Variants in MYT1 observed in about 807,000 individuals in gnomAD.
MYT1 encodes myelin transcription factor 1.
Under a neutral mutation model 123.0 loss-of-function variants are expected in MYT1, and 23 were observed. That is an observed-to-expected ratio of 0.19 (90% CI 0.13 to 0.26). MYT1 has a LOEUF of 0.26. Among genes scored for constraint, MYT1 ranks in the 10% least tolerant of loss-of-function variants. The pLI, the probability that MYT1 is intolerant of heterozygous loss-of-function variation, is 1.00. For missense variants in MYT1, 1,125 were observed against 1,472.5 expected (o/e 0.76, Z 3.86); for synonymous variants, 518 against 575.3 (o/e 0.90, Z 1.43).
At chr20:64,239,987 C>T (rs1307808572) in intron 22 of MYT1, 84 bp downstream of exon 22, 7 of 1,552,388 alleles carry the variant, frequency 4.5e-6, no homozygotes, top group African/African-American at 1.4e-5. Flanking sequence ...TCTCCCACCC[C>T]CTCTGCCTCT....
chr20:64,202,455 G>T lies in MYT1; in HGVS notation c.86+2533G>T, dbSNP rs558451466. Among the ~76,000 whole-genome samples, 73 of 152,266 alleles carry T rather than the reference G, an allele frequency of 4.8e-4. No homozygotes were observed. The highest frequency in any genetic ancestry group is 8.4e-4 in the Non-Finnish European group (57 of 68,028). On this transcript the variant is annotated intron_variant, in intron 4 of 22. Transcript: ENST00000328439. This position sits in a 1 kb window ranked among gnomAD's most constrained non-coding sequence, Gnocchi z 5.0. ...TTAGGGTTGGGGTTAGCATCTTTGA[G>T]ACAGCGAGGCGCTGACAACACCGAG...
At chr20:64,228,249 G>C in intron 18 of MYT1, 1 of 489,164 alleles carries the variant, frequency 2.0e-6, no homozygotes, top group Non-Finnish European at 3.6e-6. Context: ...GCTGGGAGAG[G>C]CAGAGCACCC....
intron 20 of MYT1, 133 bp downstream of exon 20, chr20:64,236,779 G>A: frequency 2.7e-6 from 2 of 740,424 alleles, no homozygotes; most frequent in Admixed American, 2.4e-5. Context: ...GGCAGAGGCA[G>A]ATCCCTTCAC....
chr20:64,195,967 A>C (rs73325804), intron 2 of MYT1, among the ~76,000 whole-genome samples: 7,155 of 152,224 alleles, frequency 0.047, 575 homozygotes, highest in African/African-American at 0.17. Context: ...TTAGAGCCTC[A>C]AGACATGCTC....
intron 10 of MYT1, among the ~76,000 whole-genome samples, chr20:64,214,083 C>G (rs576726979): frequency 6.6e-6 from 1 of 152,216 alleles, no homozygotes; most frequent in East Asian, 1.9e-4. Flanking sequence ...AATCCTTGGC[C>G]GTCCTGCCTG....
At chr20:64,165,172 G>A (rs531383483) in intron 1 of MYT1, among the ~76,000 whole-genome samples, 18 of 152,206 alleles carry the variant, frequency 1.2e-4, no homozygotes, top group African/African-American at 4.3e-4. Context: ...CTGAAGCAGG[G>A]TCTCAGAGTC....
rs1983577981 is a variant in MYT1 at position 64,208,766 on chromosome 20, G to A, written c.1291+279G>A. ...GGAGGGACAGTGACCCACCCACAGT[G>A]ACTGGTCACAGCAGCATCTGGGGTC... On this transcript the variant is annotated intron_variant, in intron 7 of 22. Transcript: ENST00000328439. The surrounding 1 kb of genome is among the most constrained non-coding windows in gnomAD (Gnocchi z 5.4). Among the ~76,000 whole-genome samples, 1 of 152,232 alleles carries A rather than the reference G, an allele frequency of 6.6e-6. No individual in the cohort carries two copies. The highest frequency in any genetic ancestry group is 2.1e-4 in the South Asian group (1 of 4,834).
chr20:64,189,073 A>C lies in MYT1; in HGVS notation c.-98-990A>C, dbSNP rs1314046845. 6.6e-6 allele frequency among the ~76,000 whole-genome samples: 1 copy of C among 152,242 alleles called. No homozygotes were observed. Among genetic ancestry groups the C allele is most frequent in the African/African-American group, 2.4e-5 (1 of 41,460 alleles). On this transcript the variant is annotated intron_variant, in intron 1 of 22. Transcript: ENST00000328439. This position sits in a 1 kb window ranked among gnomAD's most constrained non-coding sequence, Gnocchi z 5.5. ...CAGATAAGAAGAGGGTGCTGTGGCC[A>C]GAGGCACAGGGCTGCCTGGGGCCAG...
intron 1 of MYT1, among the ~76,000 whole-genome samples, chr20:64,179,964 TACAC>T (rs1206170849): frequency 2.6e-4 from 36 of 138,464 alleles, no homozygotes; most frequent in Admixed American, 1.7e-3. Flanking sequence ...TGCACACAGT[TACAC>T]ACTCACATGC....
intron 18 of MYT1, among the ~76,000 whole-genome samples, chr20:64,230,173 C>G (rs1200320230): frequency 6.6e-6 from 1 of 152,194 alleles, no homozygotes; most frequent in African/African-American, 2.4e-5. Context: ...AAAACAGTTT[C>G]CCTTGATGAA....
intron 13 of MYT1, 131 bp downstream of exon 13, chr20:64,220,113 C>G: frequency 7.2e-7 from 1 of 1,385,114 alleles, no homozygotes; most frequent in Non-Finnish European, 9.3e-7. Flanking sequence ...GGAGCCATCC[C>G]TTTTCGTGAA....
At chr20:64,180,106 C>G (rs1982603875) in intron 1 of MYT1, among the ~76,000 whole-genome samples, 1 of 151,788 alleles carries the variant, frequency 6.6e-6, no homozygotes. Context: ...GTACATGCTA[C>G]ACACACGCTA....
intron 20 of MYT1, 31 bp downstream of exon 20, chr20:64,236,677 A>T (rs769721039): frequency 1.3e-6 from 2 of 1,572,060 alleles, no homozygotes; most frequent in Non-Finnish European, 1.8e-6. Flanking sequence ...TTCCCTGCTC[A>T]TGGCTGGGTG....
In MYT1 at chr20:64,227,381, C is replaced by T. The variant is rs189449755; in HGVS notation, c.2529-34C>T. 8,292 of 1,608,044 alleles carry T rather than the reference C, an allele frequency of 5.2e-3. 55 individuals are homozygous for T. Among genetic ancestry groups the T allele is most frequent in the Non-Finnish European group, 4.3e-3 (5,051 of 1,176,686 alleles). On this transcript the variant is annotated intron_variant, in intron 16 of 22. Transcript: ENST00000328439. Reference sequence around the variant, plus strand: ...TCTGGGCCGGGGCTAAACGCCTTCACGGGCTCCCGTTCCAGTTCTGCTTCC... The same window carrying T: ...TCTGGGCCGGGGCTAAACGCCTTCATGGGCTCCCGTTCCAGTTCTGCTTCC...
intron 4 of MYT1, 89 bp from the exon 5 acceptor site, chr20:64,204,946 C>T (rs1983438060): frequency 1.5e-6 from 2 of 1,334,060 alleles, no homozygotes; most frequent in Admixed American, 3.8e-5. Flanking sequence ...CGTCTGGAGA[C>T]ATTCTGCTCC....
Position 64,222,001 on chromosome 20 carries a change from T to G in MYT1, c.2350T>G (p.Phe784Val). Residue 784 changes from phenylalanine (F) to valine (V), a missense_variant, in exon 14 of 23, where the codon TTT becomes GTT. By Grantham distance (50) the Phe-to-Val change is conservative. Coordinates refer to ENST00000328439, the MANE Select transcript of MYT1 (RefSeq NM_004535.3). ...TCCGGGGGAAGTCACCCTGACCAAC[T>G]TTAAGCTGAAGTTTCTCTCCAAGGA... Reference protein sequence around the residue: ...KYPGEVTLTNFKLKFLSKDIK... With the variant: ...KYPGEVTLTNVKLKFLSKDIK... 1 of 1,613,480 alleles carries G rather than the reference T, an allele frequency of 6.2e-7. No homozygotes were observed. Among genetic ancestry groups the G allele is most frequent in the Non-Finnish European group, 8.5e-7 (1 of 1,180,010 alleles).
At chr20:64,215,784 A>G (rs1375098205) in intron 10 of MYT1, among the ~76,000 whole-genome samples, 2 of 140,110 alleles carry the variant, frequency 1.4e-5, no homozygotes, top group Admixed American at 7.3e-5. Flanking sequence ...TTTTTTTTGT[A>G]GAGAGGGTCT....
Position 64,213,521 on chromosome 20 carries a change from T to C in MYT1, c.1518-13T>C, listed in dbSNP as rs768791379. On this transcript the variant is annotated splice_polypyrimidine_tract_variant and intron_variant, in intron 9 of 22. Coordinates refer to ENST00000328439, the MANE Select transcript of MYT1 (RefSeq NM_004535.3). This position sits in a 1 kb window ranked among gnomAD's most constrained non-coding sequence, Gnocchi z 5.6. ...GGGGAAGGCTCAGAAACCCCTCCTCTTCCTTCCTCTAGTTTGTCTGGGTGT... is the reference window on the plus strand; with the variant it reads ...GGGGAAGGCTCAGAAACCCCTCCTCCTCCTTCCTCTAGTTTGTCTGGGTGT... 6 of 1,610,496 alleles carry C rather than the reference T, an allele frequency of 3.7e-6. No individual in the cohort carries two copies. The South Asian group carries it at 6.6e-5, about 18-fold the overall frequency.
chr20:64,179,045 C>T (rs1378720710), intron 1 of MYT1, among the ~76,000 whole-genome samples: 3 of 146,634 alleles, frequency 2.0e-5, no homozygotes, highest in East Asian at 2.0e-4. Context: ...GGTGGGAGCA[C>T]TGAGCCGTTA....
Sources: gnomAD v4.1 joint callset for allele counts (sites outside exome capture counted in the v4.1 genomes callset) on GRCh38, gnomAD v4.1.1 for gene constraint, Gnocchi (gnomAD v3.1) non-coding constraint, MANE v1.5 for transcripts, NCBI Gene and HGNC (gene_info 2026-07-23, HGNC 2026-07-21) for gene names.